TRAM2: variants seen among roughly 807,000 people sequenced by gnomAD.
The protein encoded by TRAM2 is translocation associated membrane protein 2.
Under a neutral mutation model 51.0 loss-of-function variants are expected in TRAM2, and 12 were observed. The ratio of observed to expected loss-of-function variants is 0.24; its 90% CI spans 0.15 to 0.38. TRAM2 has a LOEUF of 0.38. Among genes scored for constraint, TRAM2 ranks in the 10% least tolerant of loss-of-function variants. TRAM2 has a pLI of 1.00. For synonymous variants in TRAM2, 175 were observed against 179.4 expected (o/e 0.98, Z 0.20); for missense variants, 361 against 462.0 (o/e 0.78, Z 2.00).
intron 1 of TRAM2, among the ~76,000 whole-genome samples, chr6:52,555,272 T>C (rs1767384393): frequency 1.2e-5 from 1 of 81,362 alleles, no homozygotes; most frequent in Admixed American, 1.6e-4. Context: ...ACCTGTGCCC[T>C]GGCTTCTACC....
chr6:52,561,961 G>A (rs62405876), intron 1 of TRAM2, among the ~76,000 whole-genome samples: 18,819 of 152,150 alleles, frequency 0.12, 1,596 homozygotes, highest in Admixed American at 0.29. Flanking sequence ...TAATGGCGAT[G>A]TTGTAAAGCA....
In TRAM2 at chr6:52,500,630, C is replaced by A; in HGVS notation, c.*2567G>T. On this transcript the variant is annotated 3_prime_UTR_variant, in exon 11 of 11. Transcript: ENST00000182527. ...GCCACTGGGCTGGTGGGACCACATC[C>A]AAGGCATGAAGTACTGGCAGCACGG... 1 of 152,456 alleles carries A rather than the reference C, an allele frequency of 6.6e-6. No individual in the cohort carries two copies. 9.4% of individuals were successfully genotyped at this position (152,456 alleles called of 1,614,324 possible). A position where few individuals can be genotyped will look rare whatever the true frequency, so the allele number is the denominator to read the frequency against.
At chr6:52,572,329 C>T (rs999512125) in intron 1 of TRAM2, among the ~76,000 whole-genome samples, 4 of 152,220 alleles carry the variant, frequency 2.6e-5, no homozygotes, top group Non-Finnish European at 5.9e-5. Context: ...AGAGGCCAGG[C>T]GCAGTGGCTC....
intron 2 of TRAM2, chr6:52,522,870 T>G: frequency 1.4e-6 from 1 of 702,064 alleles, no homozygotes; most frequent in South Asian, 1.5e-5. Flanking sequence ...GATATTTTCC[T>G]GTTTCCTTCT....
chr6:52,533,149 GA>G (rs1223571717), intron 2 of TRAM2, among the ~76,000 whole-genome samples: 3 of 152,186 alleles, frequency 2.0e-5, no homozygotes, highest in African/African-American at 7.2e-5. Context: ...TCTGCAAGAT[GA>G]AAAGAGTTCT....
chr6:52,538,211 C>A (rs1239461470), intron 1 of TRAM2, among the ~76,000 whole-genome samples: 1 of 152,236 alleles, frequency 6.6e-6, no homozygotes, highest in Non-Finnish European at 1.5e-5. Context: ...CTCTACCCTG[C>A]CTAGGCACAT....
At chr6:52,507,515 G>T in intron 7 of TRAM2, 38 bp downstream of exon 7, 1 of 1,607,818 alleles carries the variant, frequency 6.2e-7, no homozygotes, top group South Asian at 1.1e-5. Flanking sequence ...GGACATAAAA[G>T]GGCAAGGAAA....
chr6:52,565,987 C>G (rs570896585), intron 1 of TRAM2, among the ~76,000 whole-genome samples: 1 of 152,270 alleles, frequency 6.6e-6, no homozygotes, highest in South Asian at 2.1e-4. Context: ...ATTTAGCTAA[C>G]AAAACAAAAG....
At chr6:52,525,569 G>A (rs1394679426) in intron 2 of TRAM2, among the ~76,000 whole-genome samples, 1 of 152,194 alleles carries the variant, frequency 6.6e-6, no homozygotes, top group African/African-American at 2.4e-5. Context: ...CAGCACTTTG[G>A]GAGGCCAAGG....
At chr6:52,512,089 G>C (rs1268575070) in intron 4 of TRAM2, among the ~76,000 whole-genome samples, 1 of 152,134 alleles carries the variant, frequency 6.6e-6, no homozygotes, top group Non-Finnish European at 1.5e-5. Flanking sequence ...AGGGACATCA[G>C]AAAGGTGAGA....
In TRAM2 at chr6:52,535,841, T is replaced by C; in HGVS notation, c.126A>G (p.Thr42=). 6.2e-7 allele frequency: 1 copy of C among 1,613,966 alleles called. No individual in the cohort carries two copies. Among genetic ancestry groups the C allele is most frequent in the Non-Finnish European group, 8.5e-7 (1 of 1,179,874 alleles). Residue 42 remains threonine, a synonymous_variant, in exon 2 of 11, where the codon ACA becomes ACG. Coordinates refer to ENST00000182527, the MANE Select transcript of TRAM2 (RefSeq NM_012288.4). ...CVLIGLMFEV[T]AKTAFLFILP... ...AAATAAATAGAAAGGCAGTCTTGGC[T>C]GTGACCTGTAAAACAAAGGAAAAGA...
chr6:52,525,452 C>T (rs1766760143), intron 2 of TRAM2, among the ~76,000 whole-genome samples: 1 of 152,198 alleles, frequency 6.6e-6, no homozygotes, highest in Non-Finnish European at 1.5e-5. Context: ...CCATAGTTCT[C>T]AGACACATAA....
intron 5 of TRAM2, 49 bp downstream of exon 5, chr6:52,509,479 C>A: frequency 4.4e-6 from 7 of 1,584,008 alleles, no homozygotes; most frequent in Non-Finnish European, 6.1e-6. Context: ...GACAGGAAGG[C>A]AGTGGGCCCG....
chr6:52,576,660 A>C (rs1767771352), intron 1 of TRAM2, 136 bp downstream of exon 1: 1 of 1,234,394 alleles, frequency 8.1e-7, no homozygotes, highest in Admixed American at 2.4e-5. Context: ...ACAGTGCACA[A>C]AGCCGGGGTG....
At chr6:52,548,829 C>T (rs763086303) in intron 1 of TRAM2, among the ~76,000 whole-genome samples, 1 of 152,232 alleles carries the variant, frequency 6.6e-6, no homozygotes, top group Non-Finnish European at 1.5e-5. Context: ...AGCTCCTTTG[C>T]TTTCTCCAGG....
chr6:52,537,765 G>T (rs1384676575), intron 1 of TRAM2, among the ~76,000 whole-genome samples: 1 of 152,036 alleles, frequency 6.6e-6, no homozygotes, highest in Non-Finnish European at 1.5e-5. Flanking sequence ...CTTACGTAAG[G>T]AGCCCAGATG....
intron 1 of TRAM2, among the ~76,000 whole-genome samples, chr6:52,570,028 G>A (rs550600718): frequency 6.6e-6 from 1 of 152,270 alleles, no homozygotes; most frequent in East Asian, 1.9e-4. Context: ...CCCAGCCAAT[G>A]AGGGTCTTAT....
intron 1 of TRAM2, among the ~76,000 whole-genome samples, chr6:52,548,389 CT>C (rs1216706776): frequency 6.6e-6 from 1 of 152,254 alleles, no homozygotes; most frequent in Admixed American, 6.5e-5. Flanking sequence ...ACAATGACAT[CT>C]AACGTGTGAG....
At chr6:52,555,095 T>G (rs1470574307) in intron 1 of TRAM2, among the ~76,000 whole-genome samples, 1 of 152,228 alleles carries the variant, frequency 6.6e-6, no homozygotes, top group African/African-American at 2.4e-5. Flanking sequence ...CACTTTCACC[T>G]TCTGAGTCAC....
Sources: gnomAD v4.1 joint callset for allele counts (sites outside exome capture counted in the v4.1 genomes callset) on GRCh38, gnomAD v4.1.1 for gene constraint, MANE v1.5 for transcripts, NCBI Gene and HGNC (gene_info 2026-07-23, HGNC 2026-07-21) for gene names.